The following NRG1 variants were observed in gnomAD, a reference collection of about 807,000 sequenced individuals.
NRG1 encodes the protein pro-neuregulin-1, membrane-bound isoform.
In NRG1, 18 loss-of-function variants were observed where a neutral mutation model predicts 63.8. The observed-to-expected ratio is 0.28, with a 90% CI of 0.19 to 0.42. The LOEUF is 0.42. Ranked by LOEUF, NRG1 falls within the 10% of genes least tolerant of loss-of-function variation. NRG1 has a pLI of 1.00. For synonymous variants in NRG1, 302 were observed against 301.3 expected (o/e 1.00, Z -0.02); for missense variants, 762 against 814.7 (o/e 0.94, Z 0.79).
chr8:32,410,611 A>T (rs1814779078), intron 1 of NRG1, among the ~76,000 whole-genome samples: 1 of 152,176 alleles, frequency 6.6e-6, no homozygotes, highest in South Asian at 2.1e-4. Flanking sequence ...CATGACCATT[A>T]GTCTTTCATT....
chr8:31,716,725 C>T (rs917630458), intron 1 of NRG1, among the ~76,000 whole-genome samples: 1 of 152,138 alleles, frequency 6.6e-6, no homozygotes, highest in African/African-American at 2.4e-5. Context: ...TAGAAGACTA[C>T]TGTCTAAATA....
chr8:32,096,081 C>A (rs560655800), intron 1 of NRG1, among the ~76,000 whole-genome samples: 1 of 152,194 alleles, frequency 6.6e-6, no homozygotes, highest in African/African-American at 2.4e-5. Flanking sequence ...GTGAATGATT[C>A]CAGCTGTGGT....
intron 1 of NRG1, among the ~76,000 whole-genome samples, chr8:31,853,677 C>T (rs1351907399): frequency 6.6e-6 from 1 of 151,398 alleles, no homozygotes; most frequent in Non-Finnish European, 1.5e-5. Flanking sequence ...AGAGGGCATC[C>T]CTGTCTTGTG....
At chr8:31,721,941 A>G (rs987795652) in intron 1 of NRG1, among the ~76,000 whole-genome samples, 4 of 152,238 alleles carry the variant, frequency 2.6e-5, no homozygotes, top group Middle Eastern at 3.4e-3. Flanking sequence ...TACAATCTAC[A>G]TTGCTGCAAG....
intron 1 of NRG1, among the ~76,000 whole-genome samples, chr8:31,800,229 A>G (rs1821626680): frequency 6.6e-6 from 1 of 152,212 alleles, no homozygotes; most frequent in Admixed American, 6.5e-5. Context: ...CTTTATTTTC[A>G]TAGGAAAATA....
chr8:31,827,930 C>T (rs930630933), intron 1 of NRG1, among the ~76,000 whole-genome samples: 1 of 152,160 alleles, frequency 6.6e-6, no homozygotes, highest in African/African-American at 2.4e-5. Context: ...TTAGTCTTAC[C>T]TCAGGGTTTA....
chr8:32,432,699 C>T (rs116070306), intron 1 of NRG1, among the ~76,000 whole-genome samples: 2,156 of 151,924 alleles, frequency 0.014, 57 homozygotes, highest in African/African-American at 0.049. Flanking sequence ...CACCATGTTG[C>T]CCAGGCTGGT....
At chr8:31,881,714 T>A (rs1037541285) in intron 1 of NRG1, among the ~76,000 whole-genome samples, 7 of 152,170 alleles carry the variant, frequency 4.6e-5, no homozygotes, top group African/African-American at 1.4e-4. Flanking sequence ...AATGATAAGA[T>A]AGTGTGACAT....
chr8:31,673,284 T>A (rs1807350270), intron 1 of NRG1, among the ~76,000 whole-genome samples: 1 of 152,140 alleles, frequency 6.6e-6, no homozygotes, highest in South Asian at 2.1e-4. Flanking sequence ...AGAGAAACAC[T>A]GATTCTCTTT....
intron 1 of NRG1, among the ~76,000 whole-genome samples, chr8:31,868,194 A>AC (rs1829159535): frequency 4.0e-5 from 6 of 149,990 alleles, no homozygotes; most frequent in African/African-American, 1.5e-4. Context: ...ACACACACAC[A>AC]AATAAGCCCT....
At chr8:31,933,015 G>T in intron 1 of NRG1, among the ~76,000 whole-genome samples, 1 of 152,044 alleles carries the variant, frequency 6.6e-6, no homozygotes, top group Admixed American at 6.5e-5. Flanking sequence ...AAATCATTTT[G>T]TGGTTTGAAA....
chr8:32,455,518 T>G (rs2129488374), intron 1 of NRG1, among the ~76,000 whole-genome samples: 1 of 152,358 alleles, frequency 6.6e-6, no homozygotes, highest in African/African-American at 2.4e-5. Flanking sequence ...TCAGTGTTTT[T>G]ATTAGTAAAT....
At chr8:31,999,378 C>T (rs1034865025) in intron 1 of NRG1, among the ~76,000 whole-genome samples, 5 of 151,948 alleles carry the variant, frequency 3.3e-5, no homozygotes, top group Non-Finnish European at 5.9e-5. Flanking sequence ...TATAAAGTTT[C>T]TTGTGGTCAG....
intron 1 of NRG1, among the ~76,000 whole-genome samples, chr8:31,655,565 A>G (rs1171831379): frequency 1.3e-5 from 2 of 152,212 alleles, no homozygotes; most frequent in Admixed American, 6.5e-5. Flanking sequence ...GAAGTAAGGA[A>G]CAATCAGACG....
intron 1 of NRG1, among the ~76,000 whole-genome samples, chr8:31,666,009 T>C (rs756718235): frequency 6.6e-6 from 1 of 152,170 alleles, no homozygotes; most frequent in Non-Finnish European, 1.5e-5. Context: ...AGTTTTTAAA[T>C]GTGCCTCCTA....
intron 1 of NRG1, among the ~76,000 whole-genome samples, chr8:32,160,467 C>T (rs533630382): frequency 6.6e-6 from 1 of 152,284 alleles, no homozygotes; most frequent in African/African-American, 2.4e-5. Flanking sequence ...AAGAAACTTG[C>T]TCAAGGTCAC....
At chr8:32,453,731 C>A (rs1393306139) in intron 1 of NRG1, among the ~76,000 whole-genome samples, 1 of 152,154 alleles carries the variant, frequency 6.6e-6, no homozygotes, top group East Asian at 1.9e-4. Context: ...ATACTCAACT[C>A]CTGAAACAAA....
intron 1 of NRG1, among the ~76,000 whole-genome samples, chr8:32,592,874 A>T (rs559949833): frequency 1.3e-5 from 2 of 152,182 alleles, no homozygotes; most frequent in Admixed American, 1.3e-4. Context: ...ACTCCCCCCA[A>T]ACCTAACTAC....
chr8:32,205,801 T>C (rs1843996330), intron 1 of NRG1, among the ~76,000 whole-genome samples: 1 of 151,602 alleles, frequency 6.6e-6, no homozygotes, highest in Non-Finnish European at 1.5e-5. Context: ...GAAACAAAAA[T>C]AAGGAATGCA....
Sources: gnomAD v4.1 joint callset for allele counts (sites outside exome capture counted in the v4.1 genomes callset) on GRCh38, gnomAD v4.1.1 for gene constraint, MANE v1.5 for transcripts, NCBI Gene and HGNC (gene_info 2026-07-23, HGNC 2026-07-21) for gene names.